The following OMA1 variants were observed in gnomAD, a reference collection of about 807,000 sequenced individuals.
OMA1 encodes the protein OMA1 zinc metallopeptidase, also known as metalloendopeptidase OMA1, mitochondrial.
Under a neutral mutation model 30.9 loss-of-function variants are expected in OMA1, and 38 were observed. That is an observed-to-expected ratio of 1.23 (90% CI 0.95 to 1.61). OMA1 has a LOEUF of 1.61. Among genes scored for constraint, OMA1 ranks in the 40% most tolerant of loss-of-function variants. The pLI, the probability that OMA1 is intolerant of heterozygous loss-of-function variation, is 0.00. For missense variants in OMA1, 461 were observed against 349.2 expected (o/e 1.32, Z -2.55); for synonymous variants, 173 against 121.9 (o/e 1.42, Z -2.76).
At chr1:58,539,538 TTTTCA>T (rs1646571404) in intron 1 of OMA1, among the ~76,000 whole-genome samples, 1 of 152,252 alleles carries the variant, frequency 6.6e-6, no homozygotes, top group East Asian at 1.9e-4. Context: ...GCTTGAATTT[TTTTCA>T]TTTCATTTTT....
At chr1:58,535,696 CAT>C (rs1254318991) in intron 3 of OMA1, among the ~76,000 whole-genome samples, 1 of 151,306 alleles carries the variant, frequency 6.6e-6, no homozygotes, top group Non-Finnish European at 1.5e-5. Context: ...GGGCACATAA[CAT>C]GTGTATGTGC....
chr1:58,501,174 T>C (rs143066802), intron 8 of OMA1, among the ~76,000 whole-genome samples: 1 of 152,214 alleles, frequency 6.6e-6, no homozygotes, highest in East Asian at 1.9e-4. Context: ...CCTTTTTAAA[T>C]GCTAATGGAT....
chr1:58,546,151 C>T (rs1195807240), intron 1 of OMA1, among the ~76,000 whole-genome samples: 1 of 152,228 alleles, frequency 6.6e-6, no homozygotes, highest in Non-Finnish European at 1.5e-5. Context: ...GTTAAAACTC[C>T]CCGGAACTGC....
At chr1:58,523,237 T>C (rs980081251) in intron 7 of OMA1, among the ~76,000 whole-genome samples, 7 of 152,202 alleles carry the variant, frequency 4.6e-5, no homozygotes, top group Non-Finnish European at 7.3e-5. Context: ...TTTTGCCATA[T>C]CCATAATCTT....
At chr1:58,529,473 A>C (rs906116941) in intron 6 of OMA1, among the ~76,000 whole-genome samples, 2 of 152,224 alleles carry the variant, frequency 1.3e-5, no homozygotes, top group Non-Finnish European at 2.9e-5. Flanking sequence ...CATTTTTGAG[A>C]TGATTATTAT....
At chr1:58,485,688 T>C (rs1645565072) in intron 8 of OMA1, among the ~76,000 whole-genome samples, 1 of 152,124 alleles carries the variant, frequency 6.6e-6, no homozygotes, top group African/African-American at 2.4e-5. Flanking sequence ...ATCTATCTTA[T>C]TAAATATATC....
intron 7 of OMA1, among the ~76,000 whole-genome samples, chr1:58,522,639 A>C (rs1646282866): frequency 6.6e-6 from 1 of 152,190 alleles, no homozygotes. Context: ...GCAGTCAAAA[A>C]TCCACATGTA....
At chr1:58,540,037 G>A (rs12043436) in intron 1 of OMA1, among the ~76,000 whole-genome samples, 45,724 of 151,954 alleles carry the variant, frequency 0.3, 7,827 homozygotes, top group Non-Finnish European at 0.37. Flanking sequence ...CTGGGAAAGG[G>A]CCACCTGAAA....
intron 7 of OMA1, among the ~76,000 whole-genome samples, chr1:58,522,175 G>C (rs1226904052): frequency 1.3e-5 from 2 of 152,120 alleles, no homozygotes; most frequent in Non-Finnish European, 2.9e-5. Flanking sequence ...AGAAAATGCA[G>C]GGGGAAGGAG....
chr1:58,534,325 C>T lies in OMA1; in HGVS notation c.736G>A (p.Glu246Lys). The change falls in exon 4 of 9, where the codon GAA becomes AAA. Residue 246 changes from glutamate (E) to lysine (K), a missense_variant. Glu to Lys is a moderately conservative substitution (Grantham distance 56). Coordinates refer to ENST00000371226, the MANE Select transcript of OMA1 (RefSeq NM_145243.5). ...GTTAGCATATCATTTTTAAATTCTT[C>T]CATCCACTGAAAGATTAAAAATTAC... is the stretch of plus-strand genomic sequence containing the variant. ...LSELEYEAWM[E>K]EFKNDMLTEK... 1 of 846,292 alleles carries T rather than the reference C, an allele frequency of 1.2e-6. No homozygotes were observed. Among genetic ancestry groups the T allele is most frequent in the South Asian group, 1.4e-5 (1 of 71,066 alleles). 52.4% of individuals were successfully genotyped at this position (846,292 alleles called of 1,614,324 possible).
intron 8 of OMA1, among the ~76,000 whole-genome samples, chr1:58,498,034 T>C (rs1272891832): frequency 2.0e-5 from 3 of 152,066 alleles, no homozygotes; most frequent in African/African-American, 7.2e-5. Context: ...GAAAATTATT[T>C]TCTCCTCCCC....
chr1:58,504,960 CTT>C (rs879552920), intron 8 of OMA1, among the ~76,000 whole-genome samples: 1 of 146,154 alleles, frequency 6.8e-6, no homozygotes. Flanking sequence ...AAAGATACTT[CTT>C]TTTTTTTTTT....
At chr1:58,528,011 T>C (rs566949438) in intron 6 of OMA1, among the ~76,000 whole-genome samples, 6 of 152,372 alleles carry the variant, frequency 3.9e-5, no homozygotes, top group African/African-American at 1.4e-4. Flanking sequence ...GGCAGGACTT[T>C]TGAGAAAAGA....
chr1:58,492,856 A>G (rs938605810), intron 8 of OMA1, among the ~76,000 whole-genome samples: 4 of 152,216 alleles, frequency 2.6e-5, no homozygotes, highest in African/African-American at 9.6e-5. Flanking sequence ...AGCTGGTACC[A>G]TTCCTTCTGA....
In OMA1 at chr1:58,539,028, T is replaced by C. The variant is rs200317575; in HGVS notation, c.267A>G (p.Glu89=). The C allele has an allele frequency of 1.1e-6, 1 of 872,822 alleles. No individual in the cohort carries two copies. Among genetic ancestry groups the C allele is most frequent in the Non-Finnish European group, 2.0e-6 (1 of 501,626 alleles). 54.1% of individuals were successfully genotyped at this position (872,822 alleles called of 1,614,324 possible). ...TACATTTGCTGGTAATCCTCCAAATTTCCTTACTTTTGGTACTTGAGAGGC... is the reference window on the plus strand; with the variant it reads ...TACATTTGCTGGTAATCCTCCAAATCTCCTTACTTTTGGTACTTGAGAGGC... The part of the protein sequence containing the change: ...TGGLSSTKSK[E]IWRITSKCTV... The change falls in exon 2 of 9, where the codon GAA becomes GAG. Residue 89 remains glutamate, a synonymous_variant. Transcript: ENST00000371226.
chr1:58,481,313 C>T, intron 8 of OMA1, 139 bp from the exon 9 acceptor site: 1 of 390,432 alleles, frequency 2.6e-6, no homozygotes, highest in Admixed American at 4.3e-5. Context: ...TTGATTATAA[C>T]ACATAAAAGA....
chr1:58,501,054 T>C (rs892837552), intron 8 of OMA1, among the ~76,000 whole-genome samples: 1 of 152,238 alleles, frequency 6.6e-6, no homozygotes. Context: ...CAAGTTGTTA[T>C]GATAACCAAA....
chr1:58,506,487 C>T (rs950346420), intron 7 of OMA1, among the ~76,000 whole-genome samples: 2 of 151,988 alleles, frequency 1.3e-5, no homozygotes, highest in South Asian at 2.1e-4. Flanking sequence ...GTAGAACATG[C>T]CCATTGCTTA....
intron 1 of OMA1, among the ~76,000 whole-genome samples, chr1:58,545,119 C>T (rs1234419757): frequency 2.6e-5 from 4 of 152,180 alleles, no homozygotes; most frequent in Admixed American, 2.6e-4. Flanking sequence ...CCTTCCCCAA[C>T]CCTCCTTCAC....
Sources: gnomAD v4.1 joint callset for allele counts (sites outside exome capture counted in the v4.1 genomes callset) on GRCh38, gnomAD v4.1.1 for gene constraint, MANE v1.5 for transcripts, NCBI Gene and HGNC (gene_info 2026-07-23, HGNC 2026-07-21) for gene names.